RASA2: variants seen among roughly 807,000 people sequenced by gnomAD.
RASA2 encodes RAS p21 protein activator 2.
Under a neutral mutation model 118.2 loss-of-function variants are expected in RASA2, and 155 were observed. That is an observed-to-expected ratio of 1.31 (90% CI 1.15 to 1.50). The LOEUF (loss-of-function observed/expected upper bound fraction) is 1.50. Among genes scored for constraint, RASA2 ranks in the 40% most tolerant of loss-of-function variants. The probability of loss-of-function intolerance (pLI) is 0.00; values close to 1 mark genes in which losing one functional copy is unlikely to be tolerated. For synonymous variants in RASA2, 353 were observed against 349.1 expected, an observed-to-expected ratio of 1.01 and a Z score of -0.12; for missense variants, 1,016 against 1,009.6, an observed-to-expected ratio of 1.01 and a Z score of -0.09.
intron 19 of RASA2, among the ~76,000 whole-genome samples, chr3:141,593,167 C>G (rs983224657): frequency 1.3e-5 from 2 of 152,072 alleles, no homozygotes; most frequent in Admixed American, 6.5e-5. Context: ...TCTGCCTCAG[C>G]CTCCCCAGTA....
chr3:141,487,130 C>T lies in RASA2; in HGVS notation c.47C>T (p.Pro16Leu). 2 of 1,442,932 alleles carry T rather than the reference C, an allele frequency of 1.4e-6. No homozygotes were observed. The highest frequency in any genetic ancestry group is 1.8e-6 in the Non-Finnish European group (2 of 1,088,356). The allele number at this position is 1,442,932 out of a possible 1,614,324, so 89.4% of individuals were successfully genotyped here. A position where few individuals can be genotyped will look rare whatever the true frequency, so the allele number is the denominator to read the frequency against. Reference protein sequence around the residue: ...PAAAAASSEAPAASATAEPEA... With the variant: ...PAAAAASSEALAASATAEPEA... ...GCTGCGGCGGCTTCTTCCGAGGCGC[C>T]AGCGGCGAGTGCGACTGCAGAGCCC... Residue 16 changes from proline (P) to leucine (L), a missense_variant, in exon 1 of 24, where the codon CCA becomes CTA. Physicochemically the swap from Pro to Leu is moderately conservative, Grantham distance 98. Transcript: ENST00000286364.
intron 23 of RASA2, 66 bp from the exon 24 acceptor site, chr3:141,612,217 A>G (rs1197162244): frequency 5.8e-6 from 7 of 1,200,518 alleles, no homozygotes; most frequent in East Asian, 2.4e-5. Context: ...AATGGATTAT[A>G]TATTTGTCAC....
intron 1 of RASA2, among the ~76,000 whole-genome samples, chr3:141,509,045 CT>C (rs1230207471): frequency 1.3e-5 from 2 of 152,088 alleles, no homozygotes; most frequent in African/African-American, 2.4e-5. Context: ...CCATTACTTC[CT>C]TTTTGATTAT....
Position 141,516,649 on chromosome 3 carries a change from T to C in RASA2, c.355+218T>C, listed in dbSNP as rs181341000. Among the ~76,000 whole-genome samples, 151 of 152,338 alleles carry C rather than the reference T, an allele frequency of 9.9e-4. 1 individual carries two copies. The highest frequency in any genetic ancestry group is 3.4e-3 in the African/African-American group (142 of 41,582). ...GCCTTTGCAGCTCCCCTAGTCACTA[T>C]GTCATATGTTTTTATAATTCCTGAT... On this transcript the variant is annotated intron_variant, in intron 3 of 23. Transcript: ENST00000286364.
intron 5 of RASA2, among the ~76,000 whole-genome samples, chr3:141,549,474 T>TGTGTGTGTGC (rs2082538381): frequency 1.4e-5 from 2 of 140,814 alleles, no homozygotes; most frequent in Middle Eastern, 3.5e-3. Flanking sequence ...TGTGTATGAG[T>TGTGTGTGTGC]GTGTGTGTGC....
At position 141,613,757 on chromosome 3, in the gene RASA2, G is replaced by GAAT. The variant is rs2083687344; in HGVS notation, c.*1444_*1445insAAT. On this transcript the variant is annotated 3_prime_UTR_variant, in exon 24 of 24. Coordinates refer to ENST00000286364, the MANE Select transcript of RASA2 (RefSeq NM_006506.5). ...TCATTTTTAAATTATATTGTTATTA[G>GAAT]GTAATTATTTTTAAAGACTACTGGC... The GAAT allele has an allele frequency of 6.6e-6, 1 of 152,002 alleles. No individual in the cohort carries two copies. Among genetic ancestry groups the GAAT allele is most frequent in the Non-Finnish European group, 1.5e-5 (1 of 67,986 alleles). The allele number at this position is 152,002 out of a possible 1,614,324, so 9.4% of individuals were successfully genotyped here.
At chr3:141,611,310 C>G (rs982164886) in intron 23 of RASA2, among the ~76,000 whole-genome samples, 3 of 152,128 alleles carry the variant, frequency 2.0e-5, no homozygotes, top group African/African-American at 7.2e-5. Flanking sequence ...ATTCAGAGCC[C>G]CACATTTTTA....
chr3:141,521,390 G>A (rs1407863853), intron 3 of RASA2, among the ~76,000 whole-genome samples: 1 of 152,168 alleles, frequency 6.6e-6, no homozygotes, highest in East Asian at 1.9e-4. Context: ...AGTCAGATAA[G>A]GATTGATAGA....
At chr3:141,608,050 G>T (rs1464514520) in intron 20 of RASA2, among the ~76,000 whole-genome samples, 1 of 152,122 alleles carries the variant, frequency 6.6e-6, no homozygotes, top group Non-Finnish European at 1.5e-5. Flanking sequence ...CTGTTATACT[G>T]CTGTACATGA....
chr3:141,524,529 G>T (rs72990340), intron 3 of RASA2, among the ~76,000 whole-genome samples: 4,482 of 152,142 alleles, frequency 0.029, 227 homozygotes, highest in African/African-American at 0.1. Flanking sequence ...GCCAGGATTT[G>T]TTCAGTCCTC....
chr3:141,533,738 A>G (rs1376810800), intron 4 of RASA2, among the ~76,000 whole-genome samples: 1 of 151,798 alleles, frequency 6.6e-6, no homozygotes, highest in African/African-American at 2.4e-5. Context: ...GTATTTTTCT[A>G]CTTTTTTTTT....
At chr3:141,525,243 G>GAC (rs2082168764) in intron 3 of RASA2, 1 of 152,048 alleles carries the variant, frequency 6.6e-6, no homozygotes, top group Admixed American at 6.5e-5. Flanking sequence ...TTCTGTCTGT[G>GAC]AGTTTGTCAG....
At chr3:141,515,738 A>G (rs139976154) in intron 2 of RASA2, among the ~76,000 whole-genome samples, 19,489 of 151,378 alleles carry the variant, frequency 0.13, 1,787 homozygotes, top group East Asian at 0.24. Context: ...CATCTCTACT[A>G]AAAATACAAA....
In RASA2 at chr3:141,540,605, G is replaced by A. The variant is rs2082392039; in HGVS notation, c.523G>A (p.Val175Ile). 6.2e-7 allele frequency: 1 copy of A among 1,608,634 alleles called. No individual in the cohort carries two copies. The highest frequency in any genetic ancestry group is 8.5e-7 in the Non-Finnish European group (1 of 1,176,492). ...ENGTVCQQLV[V>I]HIKACHGLPL... ...TGGAACTGTATGCCAGCAGCTTGTT[G>A]TACAGTAAGCATTTTTTTTAACCAA... Residue 175 changes from valine to isoleucine, a missense_variant, in exon 5 of 24, where the codon GTA (valine) becomes ATA (isoleucine). Val to Ile is a conservative substitution (Grantham distance 29). This residue lies in a region of RASA2 where 896 missense variants were observed against 836.4 expected (regional missense o/e 1.07). Coordinates refer to ENST00000286364, the MANE Select transcript of RASA2 (RefSeq NM_006506.5).
chr3:141,569,478 A>G (rs775478500), intron 9 of RASA2, among the ~76,000 whole-genome samples: 2 of 152,070 alleles, frequency 1.3e-5, no homozygotes, highest in Non-Finnish European at 2.9e-5. Context: ...TCTAATCCTG[A>G]TATAGTCTAG....
At chr3:141,517,766 GC>G (rs2082049560) in intron 3 of RASA2, among the ~76,000 whole-genome samples, 1 of 152,070 alleles carries the variant, frequency 6.6e-6, no homozygotes, top group Non-Finnish European at 1.5e-5. Context: ...CCATTCTCCT[GC>G]CACAGCCTCC....
At chr3:141,509,601 A>T (rs2081920304) in intron 1 of RASA2, among the ~76,000 whole-genome samples, 1 of 151,964 alleles carries the variant, frequency 6.6e-6, no homozygotes, top group Admixed American at 6.6e-5. Context: ...ACTTTCGTTT[A>T]AAAAAAAGTC....
At chr3:141,570,564 T>G (rs538547331) in intron 9 of RASA2, among the ~76,000 whole-genome samples, 1 of 152,216 alleles carries the variant, frequency 6.6e-6, no homozygotes, top group Non-Finnish European at 1.5e-5. Flanking sequence ...ATTTAGTTGG[T>G]AAAAATTTAT....
chr3:141,575,119 A>G (rs1021050012), intron 14 of RASA2, among the ~76,000 whole-genome samples: 2 of 152,192 alleles, frequency 1.3e-5, no homozygotes, highest in African/African-American at 4.8e-5. Flanking sequence ...GGGTAAAATT[A>G]GGCAGGTACT....
Sources: allele counts gnomAD v4.1 joint callset (sites outside exome capture counted in the v4.1 genomes callset), GRCh38; gene constraint gnomAD v4.1.1; regional missense constraint gnomAD v4.1.1; transcripts MANE v1.5; gene names NCBI Gene and HGNC (gene_info 2026-07-23, HGNC 2026-07-21).